PRKACB: variants seen among roughly 807,000 people sequenced by gnomAD.
The protein encoded by PRKACB is cAMP-dependent protein kinase catalytic subunit beta.
Under a neutral mutation model 51.4 loss-of-function variants are expected in PRKACB, and 16 were observed. The observed-to-expected ratio is 0.31, with a 90% CI of 0.21 to 0.47. PRKACB has a LOEUF of 0.47. PRKACB is among the 20% of genes least tolerant of loss of function. The pLI is 1.00. For missense variants in PRKACB, 309 were observed against 464.5 expected, an observed-to-expected ratio of 0.67 and a Z score of 3.08; for synonymous variants, 147 against 154.4, an observed-to-expected ratio of 0.95 and a Z score of 0.35.
chr1:84,222,981 G>A (rs1194717024), intron 9 of PRKACB, among the ~76,000 whole-genome samples: 1 of 152,134 alleles, frequency 6.6e-6, no homozygotes, highest in African/African-American at 2.4e-5. Context: ...TCAGTAAAGT[G>A]TGTCTTGGAA....
At chr1:84,176,990 T>C (rs1661512643) in intron 1 of PRKACB, among the ~76,000 whole-genome samples, 2 of 152,032 alleles carry the variant, frequency 1.3e-5, no homozygotes, top group South Asian at 4.1e-4. Context: ...CAGTCCTTCC[T>C]TTGATCAGTT....
intron 9 of PRKACB, among the ~76,000 whole-genome samples, chr1:84,229,088 C>A (rs539504267): frequency 1.3e-4 from 17 of 128,216 alleles, no homozygotes; most frequent in East Asian, 5.1e-4. Context: ...CCCCTCCCCC[C>A]ACCCCGTAAC....
rs873929 is a variant in PRKACB, at chr1:84,102,785, A to T, written c.46+24414A>T. ...TGAGAGAGGGCAGCCAAGAAGCCAG[A>T]GAGTACAGCTAAGAGACAAGGAGAA... On this transcript the variant is annotated intron_variant, in intron 1 of 8. Transcript: ENST00000370688. Among the ~76,000 whole-genome samples the T allele has an allele frequency of 4.1e-3, 630 of 152,322 alleles. 5 individuals are homozygous for T. The highest frequency in any genetic ancestry group is 0.015 in the African/African-American group (603 of 41,564).
intron 1 of PRKACB, among the ~76,000 whole-genome samples, chr1:84,108,607 A>G (rs1649976816): frequency 6.6e-6 from 1 of 151,994 alleles, no homozygotes; most frequent in African/African-American, 2.4e-5. Context: ...ATCCACCCGA[A>G]GACCCTCCAA....
intron 9 of PRKACB, among the ~76,000 whole-genome samples, chr1:84,222,403 T>G (rs1673872553): frequency 1.3e-5 from 2 of 152,210 alleles, no homozygotes; most frequent in Non-Finnish European, 2.9e-5. Context: ...AGTAGATATC[T>G]GATTTATTTA....
chr1:84,202,769 A>G lies in PRKACB; in HGVS notation c.870A>G (p.Gln290=). Reference sequence around the variant, plus strand: ...GCTATCCCCCATTCTTTGCAGACCAACCAATTCAGATTTATGAAAAGATTG... The same window carrying G: ...GCTATCCCCCATTCTTTGCAGACCAGCCAATTCAGATTTATGAAAAGATTG... ...AAGYPPFFAD[Q]PIQIYEKIVS... Residue 290 remains glutamine, a synonymous_variant, in exon 8 of 10, where the codon CAA becomes CAG. Transcript: ENST00000370685. The G allele has an allele frequency of 1.2e-6, 2 of 1,608,640 alleles. No homozygotes were observed. Among genetic ancestry groups the G allele is most frequent in the Non-Finnish European group, 8.5e-7 (1 of 1,175,660 alleles).
At position 84,087,285 on chromosome 1, in the gene PRKACB, A is replaced by G. The variant is rs147148916; in HGVS notation, c.46+8914A>G. On this transcript the variant is annotated intron_variant, in intron 1 of 8. Transcript: ENST00000370688. ...TTAAAGTTACATGATTAAAGTGTAT[A>G]AAATCAAGTGGCATAGACAGAAAAT... 3.2e-3 allele frequency among the ~76,000 whole-genome samples: 486 copies of G among 152,358 alleles called. 6 individuals are homozygous for G. Among genetic ancestry groups the G allele is most frequent in the African/African-American group, 0.011 (448 of 41,572 alleles).
At position 84,121,219 on chromosome 1, in the gene PRKACB, CTT is replaced by C. The variant is rs575292610; in HGVS notation, c.46+42849_46+42850del. Among the ~76,000 whole-genome samples the C allele has an allele frequency of 2.0e-4, 31 of 151,972 alleles. 1 individual carries two copies. The East Asian group carries it at 5.6e-3, about 27-fold the overall frequency. Reference sequence around the variant, plus strand: ...TTAGTGTATTTGTTACAAAAAATAACTTGAATTCACTTTTCTATATAGGAACA... The same window carrying C: ...TTAGTGTATTTGTTACAAAAAATAACGAATTCACTTTTCTATATAGGAACA... On this transcript the variant is annotated intron_variant, in intron 1 of 8. Coordinates refer to the PRKACB transcript ENST00000370688.
At chr1:84,212,763 T>G (rs1267104945) in intron 8 of PRKACB, among the ~76,000 whole-genome samples, 2 of 152,136 alleles carry the variant, frequency 1.3e-5, no homozygotes, top group East Asian at 3.9e-4. Flanking sequence ...CTGCTATATA[T>G]CCAGCACCTA....
intron 1 of PRKACB, among the ~76,000 whole-genome samples, chr1:84,097,503 AG>A (rs1002552335): frequency 1.3e-5 from 2 of 152,040 alleles, no homozygotes; most frequent in Admixed American, 1.3e-4. Flanking sequence ...CAGAACCAAT[AG>A]GAGGGGTGTG....
intron 1 of PRKACB, among the ~76,000 whole-genome samples, chr1:84,156,297 T>C (rs116267047): frequency 0.011 from 1,698 of 152,204 alleles, 41 homozygotes; most frequent in African/African-American, 0.039. Flanking sequence ...GCTAGTGATA[T>C]CACTTTTAGC....
chr1:84,109,656 G>T (rs902227090), intron 1 of PRKACB, among the ~76,000 whole-genome samples: 2 of 151,826 alleles, frequency 1.3e-5, no homozygotes, highest in African/African-American at 2.4e-5. Flanking sequence ...TTATGAAAAT[G>T]AGTTACAATT....
At chr1:84,225,430 T>TAAGA (rs1454428819) in intron 9 of PRKACB, among the ~76,000 whole-genome samples, 1 of 152,064 alleles carries the variant, frequency 6.6e-6, no homozygotes, top group African/African-American at 2.4e-5. Flanking sequence ...CTTTGGAGTA[T>TAAGA]AAGACACTGT....
intron 5 of PRKACB, among the ~76,000 whole-genome samples, chr1:84,193,435 A>T (rs1667357908): frequency 6.6e-6 from 1 of 152,206 alleles, no homozygotes; most frequent in African/African-American, 2.4e-5. Flanking sequence ...TTTATTTGGG[A>T]AGCAAGAATT....
At chr1:84,175,019 T>G in intron 1 of PRKACB, 1 of 1,472,666 alleles carries the variant, frequency 6.8e-7, no homozygotes, top group South Asian at 1.4e-5. Flanking sequence ...TCTAATTTAT[T>G]TTTTGGACAC....
chr1:84,140,292 T>A (rs1653277250), upstream of PRKACB, among the ~76,000 whole-genome samples: 2 of 152,168 alleles, frequency 1.3e-5, no homozygotes. Context: ...GGTAATTCCA[T>A]ACAATAGAAT....
At chr1:84,123,025 G>T (rs1571670784) in intron 1 of PRKACB, among the ~76,000 whole-genome samples, 1 of 152,110 alleles carries the variant, frequency 6.6e-6, no homozygotes, top group Admixed American at 6.6e-5. Context: ...ATATTGTGAG[G>T]TAAGTGTCAT....
At chr1:84,218,307 C>G (rs1370593696) in intron 9 of PRKACB, among the ~76,000 whole-genome samples, 1 of 152,152 alleles carries the variant, frequency 6.6e-6, no homozygotes, top group Admixed American at 6.5e-5. Context: ...TTCATCCCTT[C>G]CCCCACACAC....
chr1:84,227,131 T>G (rs975151928), intron 9 of PRKACB, among the ~76,000 whole-genome samples: 15 of 152,266 alleles, frequency 9.9e-5, no homozygotes, highest in African/African-American at 3.6e-4. Flanking sequence ...TCTGTTTTTT[T>G]GAAGTTGGGA....
Sources: allele counts gnomAD v4.1 joint callset (sites outside exome capture counted in the v4.1 genomes callset), GRCh38; gene constraint gnomAD v4.1.1; transcripts MANE v1.5; gene names NCBI Gene and HGNC (gene_info 2026-07-23, HGNC 2026-07-21).